TICRR: variants seen among roughly 807,000 people sequenced by gnomAD.
TICRR encodes the protein TOPBP1 interacting checkpoint and replication regulator, also known as treslin.
In TICRR, 132 loss-of-function variants were observed where a neutral mutation model predicts 178.1. The ratio of observed to expected loss-of-function variants is 0.74; its 90% CI spans 0.64 to 0.86. TICRR has a LOEUF of 0.86. Among genes scored for constraint, TICRR ranks in the 40% least tolerant of loss-of-function variants. TICRR has a pLI of 0.00. For missense variants in TICRR, 2,587 were observed against 2,334.3 expected (o/e 1.11, Z -2.23); for synonymous variants, 991 against 900.7 (o/e 1.10, Z -1.79).
chr15:89,595,299 G>T, intron 6 of TICRR, 94 bp from the exon 7 acceptor site: 2 of 869,414 alleles, frequency 2.3e-6, no homozygotes, highest in South Asian at 3.3e-5. Context: ...GCTTCATTTT[G>T]ATATTCTTTC....
At chr15:89,594,678 T>G (rs757339767) in intron 6 of TICRR, 124 bp downstream of exon 6, 3 of 747,268 alleles carry the variant, frequency 4.0e-6, no homozygotes, top group Non-Finnish European at 5.9e-6. Flanking sequence ...ATTTTTATAT[T>G]TAAATTTTAA....
chr15:89,575,540 G>A lies in TICRR; in HGVS notation c.-47G>A, dbSNP rs1160552973. On this transcript the variant is annotated 5_prime_UTR_variant, in exon 1 of 22. Coordinates refer to ENST00000268138, the MANE Select transcript of TICRR (RefSeq NM_152259.4). Reference sequence around the variant, plus strand: ...TCCCTGAAGGAAGGGACTAAGGGACGGTGGCGCGGGCCCGGACCGGGGCCC... The same window carrying A: ...TCCCTGAAGGAAGGGACTAAGGGACAGTGGCGCGGGCCCGGACCGGGGCCC... 3.5e-6 allele frequency: 5 copies of A among 1,440,856 alleles called. No individual in the cohort carries two copies. The Admixed American group carries it at 9.0e-5, about 26-fold the overall frequency. The allele number at this position is 1,440,856 out of a possible 1,614,324, so 89.3% of individuals were successfully genotyped here. A position where few individuals can be genotyped will look rare whatever the true frequency, so the allele number is the denominator to read the frequency against.
At chr15:89,606,854 A>G (rs1017220752) in intron 14 of TICRR, 29 bp downstream of exon 14, 50 of 1,582,718 alleles carry the variant, frequency 3.2e-5, no homozygotes, top group Non-Finnish European at 4.0e-5. Flanking sequence ...GTATGTATTT[A>G]TTCACTAGCA....
chr15:89,621,895 A>G (rs1251452648), intron 19 of TICRR, among the ~76,000 whole-genome samples: 1 of 151,706 alleles, frequency 6.6e-6, no homozygotes, highest in African/African-American at 2.4e-5. Context: ...CCAGTCACCA[A>G]CATTAGAAAC....
At chr15:89,610,661 C>T (rs1022498481) in intron 15 of TICRR, among the ~76,000 whole-genome samples, 1 of 152,162 alleles carries the variant, frequency 6.6e-6, no homozygotes, top group African/African-American at 2.4e-5. Context: ...CTTATCTCTG[C>T]TTTTCAATTG....
Position 89,575,928 on chromosome 15 carries a change from C to G in TICRR, c.342C>G (p.Asp114Glu), listed in dbSNP as rs1165348650. The G allele has an allele frequency of 8.2e-6, 13 of 1,594,574 alleles. No individual in the cohort carries two copies. Among genetic ancestry groups the G allele is most frequent in the Non-Finnish European group, 9.4e-6 (11 of 1,172,610 alleles). ...LMETLLDYQW[D>E]RPEITSPTKP... Reference sequence around the variant, plus strand: ...AGACGCTGCTAGACTACCAGTGGGACCGGCCCGAGATCACGTCGCCCACGA... The same window carrying G: ...AGACGCTGCTAGACTACCAGTGGGAGCGGCCCGAGATCACGTCGCCCACGA... Residue 114 changes from aspartate to glutamate, a missense_variant, in exon 1 of 22, where the codon GAC becomes GAG. Physicochemically the swap from Asp to Glu is conservative, Grantham distance 45. Transcript: ENST00000268138.
In TICRR at chr15:89,609,100, C is replaced by CTT. The variant is rs59398617; in HGVS notation, c.2869+178_2869+179dup. On this transcript the variant is annotated intron_variant, in intron 15 of 21. Transcript: ENST00000268138. ...CTAAAGGTTTGTCAATTTTGTTAAT[C>CTT]TTTTTTTTTTTTTTTTTTTTTTTTT... The CTT allele has an allele frequency of 6.3e-3, 530 of 84,768 alleles. 36 individuals carry two copies. The highest frequency in any genetic ancestry group is 0.016 in the African/African-American group (147 of 9,416). 5.3% of individuals were successfully genotyped at this position (84,768 alleles called of 1,614,324 possible). A position where few individuals can be genotyped will look rare whatever the true frequency, so the allele number is the denominator to read the frequency against.
intron 1 of TICRR, among the ~76,000 whole-genome samples, chr15:89,579,366 G>A (rs1271074858): frequency 6.6e-6 from 1 of 152,164 alleles, no homozygotes; most frequent in Non-Finnish European, 1.5e-5. Context: ...TTTTGTTTGA[G>A]ACAGAGTCTT....
In TICRR at chr15:89,601,327, A is replaced by G; in HGVS notation, c.2183A>G (p.Glu728Gly). 6.2e-7 allele frequency: 1 copy of G among 1,614,084 alleles called. No homozygotes were observed. Among genetic ancestry groups the G allele is most frequent in the Non-Finnish European group, 8.5e-7 (1 of 1,180,000 alleles). Reference protein sequence around the residue: ...ECQLQVFLRLEMCLQCPSINE... With the variant: ...ECQLQVFLRLGMCLQCPSINE... ...CAGCTTCAGGTATTTCTTCGTTTGG[A>G]GATGTGTCTGCAATGCCCTTCAATA... Residue 728 changes from glutamate to glycine, a missense_variant, in exon 10 of 22, where the codon GAG (glutamate) becomes GGG (glycine). Coordinates refer to ENST00000268138, the MANE Select transcript of TICRR (RefSeq NM_152259.4).
At chr15:89,608,758 T>A (rs1963209522) in intron 14 of TICRR, 45 bp from the exon 15 acceptor site, 1 of 1,517,946 alleles carries the variant, frequency 6.6e-7, no homozygotes, top group African/African-American at 1.4e-5. Flanking sequence ...TTATTGATGA[T>A]AATCTTTGGG....
chr15:89,621,989 T>TTC (rs1044584917), intron 19 of TICRR, among the ~76,000 whole-genome samples: 1 of 146,002 alleles, frequency 6.8e-6, no homozygotes, highest in African/African-American at 2.6e-5. Context: ...ACTCTTTTTT[T>TTC]TTTTTTTTTT....
At chr15:89,591,919 G>C in intron 4 of TICRR, 128 bp from the exon 5 acceptor site, 2 of 724,480 alleles carry the variant, frequency 2.8e-6, no homozygotes. Flanking sequence ...GAGAACAAAT[G>C]TTAACTGTGC....
intron 7 of TICRR, 34 bp from the exon 8 acceptor site, chr15:89,599,290 A>C: frequency 6.5e-7 from 1 of 1,536,544 alleles, no homozygotes; most frequent in Non-Finnish European, 8.8e-7. Context: ...TGAGCAAGAT[A>C]TGATTAATCC....
rs185840584 is a variant in TICRR at position 89,614,824 on chromosome 15, C to T, written c.2870-1581C>T. ...CAACTAATGATTGGACAGAGATTTC[C>T]TTAAATGCCTGGAACCCATAAGTTT... On this transcript the variant is annotated intron_variant, in intron 15 of 21. Coordinates refer to ENST00000268138, the MANE Select transcript of TICRR (RefSeq NM_152259.4). Among the ~76,000 whole-genome samples the T allele has an allele frequency of 3.1e-3, 469 of 152,312 alleles. 3 individuals are homozygous for T. Among genetic ancestry groups the T allele is most frequent in the Middle Eastern group, 0.01 (3 of 294 alleles).
In TICRR at chr15:89,575,487, C is replaced by G; in HGVS notation, c.-100C>G. 1.6e-6 allele frequency: 2 copies of G among 1,220,370 alleles called. No individual in the cohort carries two copies. Among genetic ancestry groups the G allele is most frequent in the Admixed American group, 3.4e-5 (1 of 29,162 alleles). 75.6% of individuals were successfully genotyped at this position (1,220,370 alleles called of 1,614,324 possible). ...GCGCGGGAGCCTTTCGACCAGGGTC[C>G]CAAAGGAAAGCAGTGAGTGGTGCTG... is the stretch of plus-strand genomic sequence containing the variant. On this transcript the variant is annotated 5_prime_UTR_variant, in exon 1 of 22. Coordinates refer to ENST00000268138, the MANE Select transcript of TICRR (RefSeq NM_152259.4).
rs539941455 is a variant in TICRR at position 89,627,790 on chromosome 15, CA to C, written c.*705del. On this transcript the variant is annotated 3_prime_UTR_variant, in exon 22 of 22. Coordinates refer to ENST00000268138, the MANE Select transcript of TICRR (RefSeq NM_152259.4). ...CTCATCGTTTCCACCAAGAGTGCCC[CA>C]CAGGAGTGCCCCACAGACCCGCTGG... The C allele has an allele frequency of 3.3e-5, 5 of 152,624 alleles. No individual in the cohort carries two copies. In the East Asian group the frequency reaches 9.7e-4, roughly 30 times the overall value. The allele number at this position is 152,624 out of a possible 1,614,324, so 9.5% of individuals were successfully genotyped here.
intron 14 of TICRR, 58 bp downstream of exon 14, chr15:89,606,883 T>C: frequency 6.8e-7 from 1 of 1,481,084 alleles, no homozygotes; most frequent in East Asian, 2.3e-5. Flanking sequence ...TTATTTTTAT[T>C]GTATGTATTT....
chr15:89,576,872 CATAT>C (rs1387286893), intron 1 of TICRR, among the ~76,000 whole-genome samples: 1 of 140,138 alleles, frequency 7.1e-6, no homozygotes, highest in Admixed American at 7.2e-5. Flanking sequence ...CACACACACA[CATAT>C]ATATACACAT....
At chr15:89,586,926 C>A (rs1962833103) in intron 4 of TICRR, among the ~76,000 whole-genome samples, 1 of 152,150 alleles carries the variant, frequency 6.6e-6, no homozygotes. Flanking sequence ...TGATTTTCTG[C>A]AGTGACACCA....
Sources: allele counts gnomAD v4.1 joint callset (sites outside exome capture counted in the v4.1 genomes callset), GRCh38; gene constraint gnomAD v4.1.1; transcripts MANE v1.5; gene names NCBI Gene and HGNC (gene_info 2026-07-23, HGNC 2026-07-21).